The following BARD1 variants were observed in gnomAD, a reference collection of about 807,000 sequenced individuals.
BARD1 encodes the protein BRCA1 associated RING domain 1, also known as BRCA1-associated RING domain protein 1.
A neutral mutation model predicts 77.0 loss-of-function variants in BARD1; 73 were observed. That is an observed-to-expected ratio of 0.95 (90% CI 0.79 to 1.15). The LOEUF (loss-of-function observed/expected upper bound fraction) is 1.15, where lower values mean the gene tolerates loss of function less well. Among genes scored for constraint, BARD1 ranks in the 50% most tolerant of loss-of-function variants. The probability of loss-of-function intolerance (pLI) is 0.00; values close to 1 mark genes in which losing one functional copy is unlikely to be tolerated. For synonymous variants in BARD1, 384 were observed against 338.0 expected, an observed-to-expected ratio of 1.14 and a Z score of -1.49; for missense variants, 993 against 938.8, an observed-to-expected ratio of 1.06 and a Z score of -0.75.
intron 1 of BARD1, among the ~76,000 whole-genome samples, chr2:214,803,461 G>A (rs1291936317): frequency 1.3e-5 from 2 of 152,226 alleles, no homozygotes; most frequent in African/African-American, 2.4e-5. Flanking sequence ...GGGAAAAACC[G>A]CCTTAGGGCT....
At chr2:214,750,671 G>T (rs1693362943) in intron 7 of BARD1, among the ~76,000 whole-genome samples, 1 of 152,208 alleles carries the variant, frequency 6.6e-6, no homozygotes, top group Admixed American at 6.5e-5. Flanking sequence ...CCAGCCCCAG[G>T]AGGGGCTGTC....
intron 4 of BARD1, among the ~76,000 whole-genome samples, chr2:214,772,273 G>A (rs898908672): frequency 2.6e-5 from 4 of 152,050 alleles, no homozygotes; most frequent in African/African-American, 9.7e-5. Flanking sequence ...ATTCATAACG[G>A]TTACAAATGA....
At chr2:214,732,447 G>C (rs3856564) in intron 9 of BARD1, among the ~76,000 whole-genome samples, 132,800 of 151,320 alleles carry the variant, frequency 0.88, 58,571 homozygotes, top group South Asian at 0.93. Context: ...CCAGGTTGGG[G>C]CGCAGTGGCG....
chr2:214,763,993 G>C (rs542944728), intron 6 of BARD1, among the ~76,000 whole-genome samples: 4 of 152,224 alleles, frequency 2.6e-5, no homozygotes, highest in African/African-American at 4.8e-5. Flanking sequence ...AATTACTTTG[G>C]GTAGCCACAA....
intron 7 of BARD1, among the ~76,000 whole-genome samples, chr2:214,746,694 C>T (rs926014486): frequency 6.6e-6 from 1 of 151,974 alleles, no homozygotes; most frequent in African/African-American, 2.4e-5. Context: ...ATGATGTAAC[C>T]ACATCTAACC....
chr2:214,769,143 G>A, intron 5 of BARD1, 89 bp downstream of exon 5: 1 of 1,057,296 alleles, frequency 9.5e-7, no homozygotes. Flanking sequence ...AGTATATGTG[G>A]CAGAGGATGA....
rs146913345 is a variant in BARD1 at position 214,797,891 on chromosome 2, C to T, written c.159-774G>A. Among the ~76,000 whole-genome samples the T allele has an allele frequency of 2.9e-4, 44 of 152,222 alleles. No individual in the cohort carries two copies. The East Asian group carries it at 7.9e-3, about 27-fold the overall frequency. ...ACACAGAAACAAAATATTTCTAATA[C>T]TGTCCATCAAAATACCTGCTACATT... On this transcript the variant is annotated intron_variant, in intron 1 of 10. Transcript: ENST00000260947.
intron 2 of BARD1, among the ~76,000 whole-genome samples, chr2:214,795,994 A>C (rs1695739240): frequency 6.6e-6 from 1 of 152,204 alleles, no homozygotes; most frequent in Non-Finnish European, 1.5e-5. Flanking sequence ...GCTGCCTCCC[A>C]GACAACCTTA....
At chr2:214,745,413 C>A (rs1693055804) in intron 8 of BARD1, among the ~76,000 whole-genome samples, 1 of 152,146 alleles carries the variant, frequency 6.6e-6, no homozygotes, top group South Asian at 2.1e-4. Context: ...TTTCAAATTA[C>A]AGCTAAGGGA....
At chr2:214,799,571 G>C (rs1695920969) in intron 1 of BARD1, among the ~76,000 whole-genome samples, 1 of 151,850 alleles carries the variant, frequency 6.6e-6, no homozygotes, top group Admixed American at 6.6e-5. Flanking sequence ...ATCTCCTTTA[G>C]TCACTCTTCC....
chr2:214,738,048 A>C (rs946980285), intron 9 of BARD1, among the ~76,000 whole-genome samples: 1 of 152,182 alleles, frequency 6.6e-6, no homozygotes, highest in Non-Finnish European at 1.5e-5. Flanking sequence ...AGTTTACGTA[A>C]ACATAACTTT....
At chr2:214,729,968 T>C (rs994450231) in intron 10 of BARD1, among the ~76,000 whole-genome samples, 24 of 152,098 alleles carry the variant, frequency 1.6e-4, no homozygotes, top group African/African-American at 5.8e-4. Flanking sequence ...CGTATGCTCG[T>C]TGGAAATAAA....
chr2:214,804,170 AT>A (rs1220177801), intron 1 of BARD1, among the ~76,000 whole-genome samples: 1 of 152,184 alleles, frequency 6.6e-6, no homozygotes, highest in Admixed American at 6.5e-5. Flanking sequence ...CAATTAAACA[AT>A]TTTTCTTGTG....
chr2:214,780,447 G>T, intron 4 of BARD1, 113 bp downstream of exon 4: 1 of 907,686 alleles, frequency 1.1e-6, no homozygotes, highest in Non-Finnish European at 1.7e-6. Flanking sequence ...GAAGTATCAT[G>T]TCTGTGAAAG....
At chr2:214,741,217 T>C (rs1692811412) in intron 9 of BARD1, among the ~76,000 whole-genome samples, 1 of 152,082 alleles carries the variant, frequency 6.6e-6, no homozygotes, top group Non-Finnish European at 1.5e-5. Flanking sequence ...CTGGGGAATT[T>C]TACAACTTCT....
chr2:214,792,174 A>C, intron 3 of BARD1, 123 bp downstream of exon 3: 12 of 932,858 alleles, frequency 1.3e-5, no homozygotes, highest in African/African-American at 3.4e-5. Flanking sequence ...AAAAACCTAC[A>C]GATTTTAAAA....
chr2:214,754,189 G>C (rs796785796), intron 6 of BARD1, among the ~76,000 whole-genome samples: 11 of 151,894 alleles, frequency 7.2e-5, no homozygotes, highest in African/African-American at 2.7e-4. Context: ...CAATGTTCTA[G>C]GTCTTAAACC....
chr2:214,768,739 A>G (rs4234006), intron 5 of BARD1, among the ~76,000 whole-genome samples: 114,928 of 152,122 alleles, frequency 0.76, 44,243 homozygotes, highest in East Asian at 0.95. Context: ...TAGTAATAAT[A>G]AGCAAAGACC....
rs920073385 is a variant in BARD1 at position 214,809,570 on chromosome 2, C to T, written c.-1G>A. ...TCCTCGGCTGCCGATTATCCGGCAT[C>T]GTCCCGCCTTCGGATGAAAGGCTCC... is the stretch of plus-strand genomic sequence containing the variant. On this transcript the variant is annotated 5_prime_UTR_variant, in exon 1 of 11. Transcript: ENST00000260947. 10 of 1,546,680 alleles carry T rather than the reference C, an allele frequency of 6.5e-6. No homozygotes were observed. The highest frequency in any genetic ancestry group is 8.7e-6 in the Non-Finnish European group (10 of 1,149,076).
Sources: allele counts gnomAD v4.1 joint callset (sites outside exome capture counted in the v4.1 genomes callset), GRCh38; gene constraint gnomAD v4.1.1; transcripts MANE v1.5; gene names NCBI Gene and HGNC (gene_info 2026-07-23, HGNC 2026-07-21).